Variants in SLC25A26 observed in about 807,000 individuals in gnomAD.
SLC25A26 encodes solute carrier family 25 member 26.
SLC25A26 carries 36 observed loss-of-function variants against 37.8 expected under a neutral mutation model. The observed-to-expected ratio is 0.95, with a 90% CI of 0.73 to 1.26. The LOEUF (loss-of-function observed/expected upper bound fraction) is 1.26. Among genes scored for constraint, SLC25A26 ranks in the 50% most tolerant of loss-of-function variants. The pLI, the probability that SLC25A26 is intolerant of heterozygous loss-of-function variation, is 0.00. For missense variants in SLC25A26, 390 were observed against 331.1 expected, an observed-to-expected ratio of 1.18 and a Z score of -1.38; for synonymous variants, 129 against 122.5, an observed-to-expected ratio of 1.05 and a Z score of -0.35.
chr3:66,320,455 A>G (rs1213122119), intron 5 of SLC25A26, among the ~76,000 whole-genome samples: 1 of 152,218 alleles, frequency 6.6e-6, no homozygotes, highest in Admixed American at 6.5e-5. Flanking sequence ...CTCTTTGAAT[A>G]ATATTACATG....
chr3:66,210,756 C>T (rs2071274177), intron 1 of SLC25A26, among the ~76,000 whole-genome samples: 2 of 152,160 alleles, frequency 1.3e-5, no homozygotes, highest in African/African-American at 4.8e-5. Context: ...TCAAGCAACC[C>T]TCCCACCTCA....
rs537478204 is a variant in SLC25A26 at position 66,222,036 on chromosome 3, T to G, written c.33+909T>G. Among the ~76,000 whole-genome samples, 15 of 152,050 alleles carry G rather than the reference T, an allele frequency of 9.9e-5. No individual in the cohort carries two copies. In the East Asian group the frequency reaches 2.9e-3, roughly 29 times the overall value. Reference sequence around the variant, plus strand: ...ATAGTAAAATGACTGTTGGGATAAATAACAGGTGGGCTAGGTTCAGGGTGT... The same window carrying G: ...ATAGTAAAATGACTGTTGGGATAAAGAACAGGTGGGCTAGGTTCAGGGTGT... On this transcript the variant is annotated intron_variant, in intron 1 of 9. Transcript: ENST00000354883.
intron 5 of SLC25A26, among the ~76,000 whole-genome samples, chr3:66,319,124 A>T (rs1287123926): frequency 6.6e-6 from 1 of 152,248 alleles, no homozygotes; most frequent in Non-Finnish European, 1.5e-5. Flanking sequence ...GTGAGAAATC[A>T]GGAGTTAGCA....
intron 5 of SLC25A26, among the ~76,000 whole-genome samples, chr3:66,265,323 AAAT>A (rs1270949728): frequency 1.3e-5 from 2 of 152,214 alleles, no homozygotes; most frequent in African/African-American, 4.8e-5. Flanking sequence ...AAAAAAATAA[AAAT>A]AAAAAGAAGC....
intron 5 of SLC25A26, among the ~76,000 whole-genome samples, chr3:66,279,802 T>A (rs1276758299): frequency 6.6e-6 from 1 of 152,234 alleles, no homozygotes; most frequent in African/African-American, 2.4e-5. Flanking sequence ...CTGATACAGC[T>A]TGCCTGTGTC....
At chr3:66,276,956 T>TGG (rs10636303) in intron 5 of SLC25A26, among the ~76,000 whole-genome samples, 91 of 107,778 alleles carry the variant, frequency 8.4e-4, no homozygotes, top group African/African-American at 4.7e-3. Context: ...TGGCACTGTT[T>TGG]GAAAAAAAAA....
intron 1 of SLC25A26, among the ~76,000 whole-genome samples, chr3:66,150,627 T>TG (rs2070191956): frequency 7.9e-5 from 6 of 75,784 alleles, no homozygotes; most frequent in Non-Finnish European, 1.5e-4. Context: ...TATATATATA[T>TG]ATATATATAT....
intron 5 of SLC25A26, among the ~76,000 whole-genome samples, chr3:66,274,096 CA>C (rs1311042604): frequency 6.6e-6 from 1 of 151,946 alleles, no homozygotes; most frequent in African/African-American, 2.4e-5. Context: ...AATAAGGCCG[CA>C]TATCTACAAC....
intron 5 of SLC25A26, among the ~76,000 whole-genome samples, chr3:66,283,541 C>T (rs921978806): frequency 1.3e-5 from 2 of 152,164 alleles, no homozygotes; most frequent in Admixed American, 6.5e-5. Context: ...CTTGGCATCC[C>T]AAAGTGCTGG....
chr3:66,233,480 A>G (rs151047622), intron 1 of SLC25A26, among the ~76,000 whole-genome samples: 3,120 of 151,390 alleles, frequency 0.021, 103 homozygotes, highest in African/African-American at 0.073. Context: ...TTTCTGATAG[A>G]TGATTATAGC....
chr3:66,258,183 T>C (rs1251417972), intron 3 of SLC25A26, among the ~76,000 whole-genome samples: 2 of 152,142 alleles, frequency 1.3e-5, no homozygotes, highest in Non-Finnish European at 2.9e-5. Context: ...GTCACACAAC[T>C]CTGGCCAACA....
intron 1 of SLC25A26, among the ~76,000 whole-genome samples, chr3:66,200,345 G>A (rs2071092988): frequency 1.3e-5 from 2 of 152,196 alleles, no homozygotes; most frequent in African/African-American, 4.8e-5. Flanking sequence ...GGTGGGGTAA[G>A]CCAGCTGGCT....
chr3:66,349,212 A>C (rs1021619542), intron 6 of SLC25A26, among the ~76,000 whole-genome samples: 9 of 152,224 alleles, frequency 5.9e-5, no homozygotes, highest in Admixed American at 5.9e-4. Flanking sequence ...GCAAATGTTA[A>C]GATGCTGCCA....
At chr3:66,269,242 G>A (rs1176513832) in intron 5 of SLC25A26, among the ~76,000 whole-genome samples, 1 of 152,184 alleles carries the variant, frequency 6.6e-6, no homozygotes, top group Non-Finnish European at 1.5e-5. Context: ...CTGCTTTTAG[G>A]TTGTTGGGTT....
chr3:66,371,318 C>G (rs1371867087), intron 9 of SLC25A26: 1 of 1,549,528 alleles, frequency 6.5e-7, no homozygotes, highest in African/African-American at 1.4e-5. Context: ...CCTCCTCATC[C>G]TGATGCCGAG....
At chr3:66,158,116 C>G (rs755648999) in intron 1 of SLC25A26, among the ~76,000 whole-genome samples, 6 of 152,156 alleles carry the variant, frequency 3.9e-5, no homozygotes, top group Non-Finnish European at 8.8e-5. Context: ...AGCCAAAAAT[C>G]CAACTCCACA....
intron 5 of SLC25A26, among the ~76,000 whole-genome samples, chr3:66,327,555 G>T (rs2075868807): frequency 6.6e-6 from 1 of 152,052 alleles, no homozygotes; most frequent in Non-Finnish European, 1.5e-5. Context: ...TATATTTAGG[G>T]AACTGTATTC....
rs187925169 is a variant in SLC25A26, at chr3:66,227,994, C to A, written c.33+6867C>A. Reference sequence around the variant, plus strand: ...AGTAAAGGGCATCTTTAAAGATTATCTCCAAATTTATAAAAAATTGAGAAT... The same window carrying A: ...AGTAAAGGGCATCTTTAAAGATTATATCCAAATTTATAAAAAATTGAGAAT... On this transcript the variant is annotated intron_variant, in intron 1 of 9. Coordinates refer to ENST00000354883, the MANE Select transcript of SLC25A26 (RefSeq NM_001379210.1). Among the ~76,000 whole-genome samples the A allele has an allele frequency of 2.3e-3, 357 of 152,298 alleles. 2 individuals are homozygous for A. The highest frequency in any genetic ancestry group is 8.1e-3 in the African/African-American group (337 of 41,558).
intron 5 of SLC25A26, among the ~76,000 whole-genome samples, chr3:66,344,621 G>A (rs332361): frequency 0.46 from 69,919 of 152,164 alleles, 16,561 homozygotes; most frequent in East Asian, 0.71. Context: ...TGCCTGTGCA[G>A]TGCCAGTACT....
Sources: allele counts gnomAD v4.1 joint callset (sites outside exome capture counted in the v4.1 genomes callset), GRCh38; gene constraint gnomAD v4.1.1; transcripts MANE v1.5; gene names NCBI Gene and HGNC (gene_info 2026-07-23, HGNC 2026-07-21).